CCDC60: variants seen among roughly 807,000 people sequenced by gnomAD.
CCDC60 encodes the protein coiled-coil domain containing 60, also known as coiled-coil domain-containing protein 60.
CCDC60 carries 54 observed loss-of-function variants against 63.5 expected under a neutral mutation model. That is an observed-to-expected ratio of 0.85 (90% CI 0.68 to 1.07). The LOEUF (loss-of-function observed/expected upper bound fraction) is 1.07. Among genes scored for constraint, CCDC60 ranks in the 50% least tolerant of loss-of-function variants. The pLI is 0.00. For synonymous variants in CCDC60, 206 were observed against 238.8 expected (o/e 0.86, Z 1.27); for missense variants, 651 against 684.3 (o/e 0.95, Z 0.54).
At chr12:119,415,025 T>C (rs1218207917) in intron 1 of CCDC60, among the ~76,000 whole-genome samples, 2 of 152,262 alleles carry the variant, frequency 1.3e-5, no homozygotes, top group Non-Finnish European at 2.9e-5. Flanking sequence ...AGATTGATAA[T>C]GCAAAATGCT....
chr12:119,397,265 G>A (rs1029687734), intron 1 of CCDC60, among the ~76,000 whole-genome samples: 8 of 152,304 alleles, frequency 5.3e-5, no homozygotes, highest in Non-Finnish European at 7.3e-5. Flanking sequence ...TCTGAAAAGG[G>A]ACCTGAGCCG....
intron 1 of CCDC60, among the ~76,000 whole-genome samples, chr12:119,338,114 A>G (rs2136139264): frequency 6.6e-6 from 1 of 152,220 alleles, no homozygotes; most frequent in Non-Finnish European, 1.5e-5. Flanking sequence ...ACCCCTCTCT[A>G]CTTTCTAGGA....
chr12:119,524,361 T>A, intron 11 of CCDC60: 5 of 738,562 alleles, frequency 6.8e-6, no homozygotes, highest in Non-Finnish European at 6.6e-6. Flanking sequence ...TCTTCCCTGT[T>A]CTGATAACCC....
At chr12:119,365,069 C>G (rs986057040) in intron 1 of CCDC60, among the ~76,000 whole-genome samples, 6 of 152,200 alleles carry the variant, frequency 3.9e-5, no homozygotes, top group Non-Finnish European at 7.3e-5. Flanking sequence ...ATTTAATCCT[C>G]AGAACACCTG....
intron 5 of CCDC60, 32 bp downstream of exon 5, chr12:119,488,898 T>C (rs1293874414): frequency 1.4e-5 from 22 of 1,537,674 alleles, no homozygotes; most frequent in Non-Finnish European, 2.0e-5. Context: ...TGTCTTAGAC[T>C]AGCAGTAGGC....
chr12:119,468,688 A>ATT (rs1199100815), intron 2 of CCDC60, among the ~76,000 whole-genome samples: 10 of 29,972 alleles, frequency 3.3e-4, no homozygotes, highest in Middle Eastern at 0.019. Context: ...CAATGAAAAG[A>ATT]ATTTTATTTA....
chr12:119,448,334 C>T (rs944798854), intron 2 of CCDC60, among the ~76,000 whole-genome samples: 1 of 152,168 alleles, frequency 6.6e-6, no homozygotes, highest in Non-Finnish European at 1.5e-5. Flanking sequence ...AGGATTCAGA[C>T]AGACCGAAAT....
At chr12:119,461,798 C>A (rs1468778052) in intron 2 of CCDC60, among the ~76,000 whole-genome samples, 1 of 152,162 alleles carries the variant, frequency 6.6e-6, no homozygotes, top group East Asian at 1.9e-4. Context: ...CTCTTCCCTG[C>A]AAATAGCTCC....
Position 119,350,285 on chromosome 12 carries a change from C to T in CCDC60, c.90+15019C>T, listed in dbSNP as rs563928694. 2.0e-5 allele frequency among the ~76,000 whole-genome samples: 3 copies of T among 152,182 alleles called. No individual in the cohort carries two copies. The South Asian group carries it at 6.3e-4, about 32-fold the overall frequency. ...TGATCTCGGCTCACTGCAACCACCG[C>T]CTCCTGGGTTCAAGCATTTCTTTCG... On this transcript the variant is annotated intron_variant, in intron 1 of 13. Coordinates refer to ENST00000327554, the MANE Select transcript of CCDC60 (RefSeq NM_178499.5).
chr12:119,421,238 C>T (rs1053485705), intron 1 of CCDC60, among the ~76,000 whole-genome samples: 14 of 152,112 alleles, frequency 9.2e-5, no homozygotes, highest in African/African-American at 2.2e-4. Flanking sequence ...ATTGGCTTTC[C>T]GGCCATGACC....
chr12:119,454,859 T>G (rs1177748730), intron 2 of CCDC60, among the ~76,000 whole-genome samples: 1 of 152,204 alleles, frequency 6.6e-6, no homozygotes, highest in African/African-American at 2.4e-5. Context: ...ATCCAGTACC[T>G]GGGTTCCTTC....
At chr12:119,438,116 T>A (rs2136251110) in intron 2 of CCDC60, among the ~76,000 whole-genome samples, 1 of 152,336 alleles carries the variant, frequency 6.6e-6, no homozygotes, top group African/African-American at 2.4e-5. Context: ...CCTACCTATT[T>A]TTCTCTGTTT....
At chr12:119,337,523 C>T (rs562627868) in intron 1 of CCDC60, among the ~76,000 whole-genome samples, 3 of 152,294 alleles carry the variant, frequency 2.0e-5, no homozygotes, top group South Asian at 2.1e-4. Flanking sequence ...CCAAAAGCTA[C>T]GAGCACAGTT....
chr12:119,465,522 C>T (rs1297382275), intron 2 of CCDC60, among the ~76,000 whole-genome samples: 1 of 152,006 alleles, frequency 6.6e-6, no homozygotes, highest in East Asian at 1.9e-4. Flanking sequence ...CTCTGGGAGG[C>T]CGAGGCAGGT....
At chr12:119,514,625 AAG>A (rs1249636583) in intron 7 of CCDC60, among the ~76,000 whole-genome samples, 2 of 151,804 alleles carry the variant, frequency 1.3e-5, no homozygotes, top group Admixed American at 6.7e-5. Flanking sequence ...GTTATTACAA[AAG>A]AGTCAAGAAA....
At position 119,488,740 on chromosome 12, in the gene CCDC60, C is replaced by T. The variant is rs766092609; in HGVS notation, c.450-19C>T. 3.7e-6 allele frequency: 6 copies of T among 1,608,354 alleles called. No homozygotes were observed. The highest frequency in any genetic ancestry group is 2.7e-5 in the African/African-American group (2 of 74,784). Reference sequence around the variant, plus strand: ...GTTCTAACAGGATCCCACTGTGTTCCCTCTCTCTGTCTTTGCAGCGAGCCC... The same window carrying T: ...GTTCTAACAGGATCCCACTGTGTTCTCTCTCTCTGTCTTTGCAGCGAGCCC... On this transcript the variant is annotated intron_variant, in intron 4 of 13. Coordinates refer to ENST00000327554, the MANE Select transcript of CCDC60 (RefSeq NM_178499.5).
chr12:119,395,573 C>T (rs1432253656), intron 1 of CCDC60, among the ~76,000 whole-genome samples: 1 of 152,182 alleles, frequency 6.6e-6, no homozygotes, highest in African/African-American at 2.4e-5. Context: ...CCCACTAGGA[C>T]CCAACAACAT....
intron 1 of CCDC60, among the ~76,000 whole-genome samples, chr12:119,403,463 C>G (rs1351247793): frequency 2.0e-5 from 3 of 152,100 alleles, no homozygotes; most frequent in Non-Finnish European, 4.4e-5. Flanking sequence ...CTTTAATCAC[C>G]AAGTTGCAGA....
intron 1 of CCDC60, among the ~76,000 whole-genome samples, chr12:119,425,909 A>G (rs1000045336): frequency 3.9e-5 from 6 of 152,220 alleles, no homozygotes; most frequent in Admixed American, 1.3e-4. Flanking sequence ...AACCATGAGC[A>G]TCTCCCAAGA....
Sources: gnomAD v4.1 joint callset for allele counts (sites outside exome capture counted in the v4.1 genomes callset) on GRCh38, gnomAD v4.1.1 for gene constraint, MANE v1.5 for transcripts, NCBI Gene and HGNC (gene_info 2026-07-23, HGNC 2026-07-21) for gene names.